The following CACNB4 variants were observed in gnomAD, a reference collection of about 807,000 sequenced individuals.
The protein encoded by CACNB4 is voltage-dependent L-type calcium channel subunit beta-4.
CACNB4 carries 32 observed loss-of-function variants against 71.2 expected under a neutral mutation model. The ratio of observed to expected loss-of-function variants is 0.45; its 90% CI spans 0.34 to 0.60. The LOEUF (loss-of-function observed/expected upper bound fraction) is 0.60, where lower values mean the gene tolerates loss of function less well. CACNB4 is among the 20% of genes least tolerant of loss of function. CACNB4 has a pLI of 0.01. For missense variants in CACNB4, 464 were observed against 647.9 expected (o/e 0.72, Z 3.08); for synonymous variants, 231 against 236.9 (o/e 0.97, Z 0.23).
chr2:152,059,464 G>A (rs1430590578), intron 2 of CACNB4, among the ~76,000 whole-genome samples: 1 of 152,246 alleles, frequency 6.6e-6, no homozygotes, highest in Non-Finnish European at 1.5e-5. Flanking sequence ...TCATTTTGGA[G>A]CTTCAAGATT....
intron 2 of CACNB4, among the ~76,000 whole-genome samples, chr2:151,938,713 C>G (rs996716094): frequency 6.6e-6 from 1 of 152,184 alleles, no homozygotes; most frequent in African/African-American, 2.4e-5. Flanking sequence ...TTCTTCGTCT[C>G]CTCACCAACC....
chr2:152,043,701 C>T (rs61156093), intron 2 of CACNB4, among the ~76,000 whole-genome samples: 31,084 of 152,102 alleles, frequency 0.2, 4,411 homozygotes, highest in East Asian at 0.73. Context: ...CACATATGTA[C>T]ACCTACTGGG....
intron 2 of CACNB4, among the ~76,000 whole-genome samples, chr2:152,010,493 T>G (rs1264667546): frequency 3.3e-5 from 5 of 152,142 alleles, no homozygotes. Flanking sequence ...ACTAGGGCAA[T>G]GGGAAGGCAA....
intron 9 of CACNB4, chr2:151,861,065 C>G (rs2099841520): frequency 6.2e-6 from 3 of 487,534 alleles, no homozygotes; most frequent in Non-Finnish European, 1.1e-5. Flanking sequence ...TGTTCTTCCT[C>G]CATTATGGCC....
At chr2:151,979,215 A>G (rs532823454) in intron 2 of CACNB4, among the ~76,000 whole-genome samples, 3 of 152,308 alleles carry the variant, frequency 2.0e-5, no homozygotes, top group African/African-American at 7.2e-5. Context: ...AAGCGGAGAC[A>G]GGGATAAAGA....
intron 5 of CACNB4, among the ~76,000 whole-genome samples, chr2:151,874,646 G>A (rs1427588048): frequency 1.3e-5 from 2 of 152,070 alleles, no homozygotes; most frequent in African/African-American, 2.4e-5. Flanking sequence ...AAAGGTAGGC[G>A]CCTAAAGAAC....
At chr2:152,075,475 T>C (rs1365074302) in intron 2 of CACNB4, among the ~76,000 whole-genome samples, 3 of 152,164 alleles carry the variant, frequency 2.0e-5, no homozygotes, top group Non-Finnish European at 2.9e-5. Flanking sequence ...GTGACATATA[T>C]GCAATCATGA....
intron 2 of CACNB4, among the ~76,000 whole-genome samples, chr2:152,095,896 G>A (rs1296413809): frequency 1.3e-5 from 2 of 152,148 alleles, no homozygotes; most frequent in South Asian, 2.1e-4. Context: ...CAAGTGATCC[G>A]CCCACCTCAG....
intron 2 of CACNB4, among the ~76,000 whole-genome samples, chr2:151,897,221 T>C (rs1356915832): frequency 1.3e-5 from 2 of 152,238 alleles, no homozygotes; most frequent in African/African-American, 4.8e-5. Context: ...CTGGCGAAGC[T>C]GAGACTTGCA....
intron 2 of CACNB4, among the ~76,000 whole-genome samples, chr2:152,043,828 C>A (rs1363056723): frequency 6.6e-6 from 1 of 152,204 alleles, no homozygotes; most frequent in Non-Finnish European, 1.5e-5. Flanking sequence ...CAACATCATT[C>A]TTCAAATGTT....
At chr2:152,041,461 A>G (rs1292701320) in intron 2 of CACNB4, among the ~76,000 whole-genome samples, 1 of 152,238 alleles carries the variant, frequency 6.6e-6, no homozygotes, top group Non-Finnish European at 1.5e-5. Flanking sequence ...TCCAGTTAAA[A>G]TCATAATATG....
rs773750556 is a variant in CACNB4, at chr2:151,841,893, G to T, written c.1302+10C>A. Reference sequence around the variant, plus strand: ...GGTTGTAAAAAGCATGAGTGAAAAAGTGACAATACCTGTAACCCAGAAATT... The same window carrying T: ...GGTTGTAAAAAGCATGAGTGAAAAATTGACAATACCTGTAACCCAGAAATT... On this transcript the variant is annotated intron_variant, in intron 13 of 13. Transcript: ENST00000539935. 3 of 1,612,148 alleles carry T rather than the reference G, an allele frequency of 1.9e-6. No homozygotes were observed. Among genetic ancestry groups the T allele is most frequent in the South Asian group, 1.1e-5 (1 of 90,678 alleles).
At chr2:151,871,876 A>G (rs569831188) in intron 6 of CACNB4, 1 of 153,902 alleles carries the variant, frequency 6.5e-6, no homozygotes, top group South Asian at 2.0e-4. Context: ...ATGTACCACA[A>G]TTCCCTATTA....
At chr2:152,030,860 C>T (rs1684247062) in intron 2 of CACNB4, among the ~76,000 whole-genome samples, 2 of 152,126 alleles carry the variant, frequency 1.3e-5, no homozygotes, top group Admixed American at 1.3e-4. Context: ...CCCAAATGTC[C>T]ATCAATGATA....
intron 4 of CACNB4, among the ~76,000 whole-genome samples, chr2:151,878,934 A>G (rs2099847170): frequency 6.6e-6 from 1 of 152,136 alleles, no homozygotes; most frequent in South Asian, 2.1e-4. Context: ...AAGAAAAGAA[A>G]AGAAAAAAAT....
intron 2 of CACNB4, among the ~76,000 whole-genome samples, chr2:151,999,917 C>T (rs1173653576): frequency 2.0e-5 from 3 of 152,202 alleles, no homozygotes; most frequent in African/African-American, 7.2e-5. Context: ...CACCTACTTA[C>T]CTCACAAGAG....
At chr2:151,875,980 C>CT (rs1342716915) in intron 5 of CACNB4, among the ~76,000 whole-genome samples, 3 of 142,626 alleles carry the variant, frequency 2.1e-5, no homozygotes, top group Admixed American at 6.9e-5. Flanking sequence ...GGGCTGACTC[C>CT]CCCACCTCCC....
At chr2:151,973,234 T>A (rs1487762278) in intron 2 of CACNB4, 2 of 158,282 alleles carry the variant, frequency 1.3e-5, no homozygotes, top group Non-Finnish European at 2.8e-5. Flanking sequence ...CACATAATAA[T>A]ACAGCCACAG....
At chr2:152,061,948 G>C (rs943752738) in intron 2 of CACNB4, among the ~76,000 whole-genome samples, 1 of 151,516 alleles carries the variant, frequency 6.6e-6, no homozygotes, top group Non-Finnish European at 1.5e-5. Flanking sequence ...GGAGGCAGAG[G>C]TTGCAGTGAG....
Sources: allele counts gnomAD v4.1 joint callset (sites outside exome capture counted in the v4.1 genomes callset), GRCh38; gene constraint gnomAD v4.1.1; transcripts MANE v1.5; gene names NCBI Gene and HGNC (gene_info 2026-07-23, HGNC 2026-07-21).